The following SLC35F4 variants were observed in gnomAD, a reference collection of about 807,000 sequenced individuals.
SLC35F4 encodes the protein solute carrier family 35 member F4, also known as chromosome 14 open reading frame 36.
In SLC35F4, 24 loss-of-function variants were observed where a neutral mutation model predicts 44.2. The observed-to-expected ratio is 0.54, with a 90% confidence interval of 0.39 to 0.76. SLC35F4 has a LOEUF of 0.76. SLC35F4 is among the 30% of genes least tolerant of loss of function. The probability of loss-of-function intolerance (pLI) is 0.00; values close to 1 mark genes in which losing one functional copy is unlikely to be tolerated. For synonymous variants in SLC35F4, 238 were observed against 223.6 expected (o/e 1.06, Z -0.57); for missense variants, 562 against 586.1 (o/e 0.96, Z 0.42).
Position 57,958,171 on chromosome 14 carries a change from C to T in SLC35F4, n.282+23742G>A, listed in dbSNP as rs1421268561. Among the ~76,000 whole-genome samples, 3 of 152,190 alleles carry T rather than the reference C, an allele frequency of 2.0e-5. No homozygotes were observed. The East Asian group carries it at 5.8e-4, about 29-fold the overall frequency. ...CTCCCAGGTTCACGCCGTTCTCCTG[C>T]CTCAGCCTCCCCAGCAGCTGGGACT... On this transcript the variant is annotated intron_variant and non_coding_transcript_variant, in intron 1 of 1. Transcript: ENST00000556568.
intron 1 of SLC35F4, among the ~76,000 whole-genome samples, chr14:57,961,998 T>C (rs1474300265): frequency 6.6e-6 from 1 of 152,148 alleles, no homozygotes; most frequent in African/African-American, 2.4e-5. Context: ...CCAGTAAATA[T>C]TTTTGAAGGA....
In SLC35F4 at chr14:57,958,908, C is replaced by T. The variant is rs114999293; in HGVS notation, n.282+23005G>A. The stretch of plus-strand genomic sequence containing the variant: ...AGAGAGGGTTACAAAAGTTAGACAT[C>T]GTCAGAATCCCTTCCAAATGCTCTG... On this transcript the variant is annotated intron_variant and non_coding_transcript_variant, in intron 1 of 1. Coordinates refer to the SLC35F4 transcript ENST00000556568. 4.0e-3 allele frequency among the ~76,000 whole-genome samples: 612 copies of T among 152,264 alleles called. 3 individuals are homozygous for T. Among genetic ancestry groups the T allele is most frequent in the African/African-American group, 0.014 (578 of 41,556 alleles).
intron 1 of SLC35F4, among the ~76,000 whole-genome samples, chr14:57,687,306 A>G (rs2075095994): frequency 1.3e-5 from 2 of 152,176 alleles, no homozygotes. Context: ...TACAGGAACA[A>G]TGGTACCATG....
chr14:57,926,711 C>T (rs1002958947), intron 1 of SLC35F4, among the ~76,000 whole-genome samples: 1 of 92,728 alleles, frequency 1.1e-5, no homozygotes, highest in Admixed American at 1.6e-4. Flanking sequence ...AGGAATATAA[C>T]AATGAAGTAG....
chr14:57,854,616 C>A (rs10145296), intron 1 of SLC35F4, among the ~76,000 whole-genome samples: 11,556 of 152,226 alleles, frequency 0.076, 620 homozygotes, highest in African/African-American at 0.15. Flanking sequence ...GAGATTCCAC[C>A]TTTCCCTGCT....
intron 1 of SLC35F4, among the ~76,000 whole-genome samples, chr14:57,760,673 A>G (rs995939297): frequency 1.3e-5 from 2 of 152,230 alleles, no homozygotes; most frequent in African/African-American, 2.4e-5. Context: ...GTATCAGAAT[A>G]GCATTTAGTG....
intron 1 of SLC35F4, among the ~76,000 whole-genome samples, chr14:57,626,667 A>G (rs1013211838): frequency 1.3e-5 from 2 of 152,164 alleles, no homozygotes; most frequent in African/African-American, 2.4e-5. Flanking sequence ...TAAAAGAACT[A>G]TTAGAGCTGG....
chr14:57,638,670 G>T (rs58906032), intron 1 of SLC35F4, among the ~76,000 whole-genome samples: 4,204 of 152,086 alleles, frequency 0.028, 86 homozygotes, highest in South Asian at 0.075. Flanking sequence ...AACCAAATGG[G>T]ACTAAAACAA....
At chr14:57,902,860 C>G (rs1410839468) in intron 1 of SLC35F4, among the ~76,000 whole-genome samples, 4 of 152,164 alleles carry the variant, frequency 2.6e-5, no homozygotes, top group African/African-American at 9.7e-5. Flanking sequence ...ACCTGCATCA[C>G]TCCCTCTCTC....
At chr14:57,614,542 A>C (rs2071694991) in intron 1 of SLC35F4, among the ~76,000 whole-genome samples, 1 of 152,268 alleles carries the variant, frequency 6.6e-6, no homozygotes, top group Admixed American at 6.5e-5. Context: ...GAAACAGACA[A>C]AAAGGATGAA....
chr14:57,653,463 G>A (rs1249967955), intron 1 of SLC35F4, among the ~76,000 whole-genome samples: 4 of 152,200 alleles, frequency 2.6e-5, no homozygotes, highest in African/African-American at 7.2e-5. Context: ...TTAATGTGGA[G>A]ACAATCACTG....
Position 57,564,322 on chromosome 14 carries a change from G to A in SLC35F4, c.1271C>T (p.Thr424Ile), listed in dbSNP as rs761222985. The change falls in exon 8 of 8, where the codon ACC (threonine) becomes ATC (isoleucine). Residue 424 changes from threonine (T) to isoleucine (I), a missense_variant. Physicochemically the swap from Thr to Ile is moderately conservative, Grantham distance 89 (BLOSUM62 -1). Coordinates refer to ENST00000556826, the MANE Select transcript of SLC35F4 (RefSeq NM_001306087.2). ...CAGAAACCCAATGCAGATGATGATG[G>A]TAGCAGCCAGGCGGACAACATTGAA... ...VIFNVVRLAA[T>I]IIICIGFLLM... 24 of 1,611,666 alleles carry A rather than the reference G, an allele frequency of 1.5e-5. 1 individual carries two copies. The Middle Eastern group carries it at 2.3e-3, about 155-fold the overall frequency.
chr14:57,776,277 C>A (rs2077485145), intron 1 of SLC35F4, among the ~76,000 whole-genome samples: 1 of 152,054 alleles, frequency 6.6e-6, no homozygotes, highest in African/African-American at 2.4e-5. Flanking sequence ...GGACAACATT[C>A]CAATTCAGGA....
intron 1 of SLC35F4, among the ~76,000 whole-genome samples, chr14:57,787,051 T>C (rs965182921): frequency 4.6e-5 from 7 of 151,934 alleles, no homozygotes; most frequent in Non-Finnish European, 1.0e-4. Flanking sequence ...TTCAAGGAAA[T>C]AGAGAGCTTA....
intron 1 of SLC35F4, among the ~76,000 whole-genome samples, chr14:57,812,700 C>T (rs117327410): frequency 9.2e-5 from 14 of 151,654 alleles, no homozygotes; most frequent in African/African-American, 2.4e-4. Flanking sequence ...ATCTACAGAA[C>T]GGACAAAGAA....
chr14:57,945,837 G>A (rs185092123), intron 1 of SLC35F4, among the ~76,000 whole-genome samples: 30 of 152,108 alleles, frequency 2.0e-4, no homozygotes, highest in East Asian at 1.2e-3. Context: ...AGGTGGAATC[G>A]CATTGTGGTT....
At chr14:57,701,002 T>C (rs1039863418) in intron 1 of SLC35F4, among the ~76,000 whole-genome samples, 4 of 152,148 alleles carry the variant, frequency 2.6e-5, no homozygotes, top group African/African-American at 4.8e-5. Context: ...TTGTTTGCTG[T>C]CTTTTTTATG....
At chr14:57,771,542 G>A (rs1802693052) in intron 1 of SLC35F4, among the ~76,000 whole-genome samples, 1 of 141,256 alleles carries the variant, frequency 7.1e-6, no homozygotes, top group South Asian at 2.4e-4. Flanking sequence ...TTTTCCTGAA[G>A]TTATAGGTTG....
At chr14:57,800,529 C>T (rs2078166147) in intron 1 of SLC35F4, among the ~76,000 whole-genome samples, 1 of 152,242 alleles carries the variant, frequency 6.6e-6, no homozygotes, top group Middle Eastern at 3.4e-3. Flanking sequence ...GCTGAATTGA[C>T]AGAAGTAGGC....
Sources: gnomAD v4.1 joint callset for allele counts (sites outside exome capture counted in the v4.1 genomes callset) on GRCh38, gnomAD v4.1.1 for gene constraint, MANE v1.5 for transcripts, NCBI Gene and HGNC (gene_info 2026-07-23, HGNC 2026-07-21) for gene names.